The following UNC45A variants were observed in gnomAD, a reference collection of about 807,000 sequenced individuals.
UNC45A encodes unc-45 myosin chaperone A.
A neutral mutation model predicts 103.2 loss-of-function variants in UNC45A; 78 were observed. The ratio of observed to expected loss-of-function variants is 0.76; its 90% CI spans 0.63 to 0.91. The LOEUF is 0.91. UNC45A is among the 40% of genes least tolerant of loss of function. The pLI, the probability that UNC45A is intolerant of heterozygous loss-of-function variation, is 0.00. For synonymous variants in UNC45A, 495 were observed against 504.6 expected (o/e 0.98, Z 0.25); for missense variants, 1,193 against 1,224.8 (o/e 0.97, Z 0.39).
chr15:90,938,664 A>ATTAT (rs1029182156), intron 4 of UNC45A, among the ~76,000 whole-genome samples: 14 of 151,804 alleles, frequency 9.2e-5, no homozygotes, highest in South Asian at 4.2e-4. Flanking sequence ...CCCCATTCAG[A>ATTAT]TTATTTATTT....
chr15:90,933,845 T>C, upstream of UNC45A: 1 of 390,682 alleles, frequency 2.6e-6, no homozygotes, highest in Non-Finnish European at 4.5e-6. Context: ...AGGCCCCACG[T>C]TTTCCAACAG....
At chr15:90,950,670 C>G (rs1391284003) in intron 17 of UNC45A, 55 bp downstream of exon 17, 2 of 1,551,252 alleles carry the variant, frequency 1.3e-6, no homozygotes, top group African/African-American at 2.7e-5. Context: ...TCGGAATATC[C>G]CCCACAGCAG....
In UNC45A at chr15:90,951,547, G is replaced by A. The variant is rs555307099; in HGVS notation, c.2303+932G>A. Among the ~76,000 whole-genome samples the A allele has an allele frequency of 7.0e-4, 107 of 152,282 alleles. 2 individuals are homozygous for A. In the South Asian group the frequency reaches 0.022, roughly 31 times the overall value. On this transcript the variant is annotated intron_variant, in intron 17 of 19. Transcript: ENST00000418476. ...GGAGGATGAGGCAGGAGGATCACTG[G>A]AGCCCAGAAGTTCAGGCCAGCCTGA...
rs564415950 is a variant in UNC45A at position 90,936,918 on chromosome 15, G to A, written c.426+458G>A. On this transcript the variant is annotated intron_variant, in intron 4 of 19. Transcript: ENST00000418476. ...TTGTAGTAAGAAAAACTTGGAACTT[G>A]CCTGAATGCCCAGCCATAGAGGAAT... Among the ~76,000 whole-genome samples, 4 of 152,316 alleles carry A rather than the reference G, an allele frequency of 2.6e-5. No homozygotes were observed. In the South Asian group the frequency reaches 8.3e-4, roughly 32 times the overall value.
intron 1 of UNC45A, 40 bp downstream of exon 1, chr15:90,935,415 G>A (rs767114537): frequency 3.8e-6 from 6 of 1,580,510 alleles, no homozygotes; most frequent in Non-Finnish European, 5.2e-6. Context: ...CTTCGCACCC[G>A]CCCTGACCAT....
chr15:90,947,680 TG>T, intron 10 of UNC45A, 115 bp from the exon 11 acceptor site: 1 of 701,292 alleles, frequency 1.4e-6, no homozygotes, highest in Non-Finnish European at 2.5e-6. Context: ...GATTTGTCTG[TG>T]TAGCTTCCAG....
chr15:90,949,634 C>T lies in UNC45A; in HGVS notation c.2007-20C>T. On this transcript the variant is annotated intron_variant, in intron 14 of 19. Transcript: ENST00000418476. ...CCAGAGTCCCAGAGCTGCCTGCCCA[C>T]CACCGCCTTCTCCCCACAGGGTCTT... 1 of 1,613,834 alleles carries T rather than the reference C, an allele frequency of 6.2e-7. No homozygotes were observed. Among genetic ancestry groups the T allele is most frequent in the Non-Finnish European group, 8.5e-7 (1 of 1,179,886 alleles).
intron 1 of UNC45A, 39 bp from the exon 2 acceptor site, chr15:90,935,504 CG>C: frequency 6.3e-7 from 1 of 1,576,678 alleles, no homozygotes; most frequent in Non-Finnish European, 8.6e-7. Flanking sequence ...GGCTCTGCCC[CG>C]AACCCCCTCC....
chr15:90,949,398 C>G lies in UNC45A; in HGVS notation c.1961C>G (p.Thr654Arg). 6.2e-7 allele frequency: 1 copy of G among 1,613,752 alleles called. No individual in the cohort carries two copies. The highest frequency in any genetic ancestry group is 8.5e-7 in the Non-Finnish European group (1 of 1,180,010). Residue 654 changes from threonine to arginine, a missense_variant, in exon 14 of 20, where the codon ACG (threonine) becomes AGG (arginine). Physicochemically the swap from Thr to Arg is moderately conservative, Grantham distance 71. Coordinates refer to ENST00000418476, the MANE Select transcript of UNC45A (RefSeq NM_018671.5). ...VVSAMVCMVK[T>R]ESPVLTSSCR... ...TCGGCCATGGTGTGCATGGTGAAGACGGAGAGCCCTGTGCTGACCAGTTCC... is the reference window on the plus strand; with the variant it reads ...TCGGCCATGGTGTGCATGGTGAAGAGGGAGAGCCCTGTGCTGACCAGTTCC...
chr15:90,932,447 AG>A, upstream of UNC45A: 1 of 1,359,072 alleles, frequency 7.4e-7, no homozygotes, highest in Non-Finnish European at 9.5e-7. Flanking sequence ...TGGTTGATGT[AG>A]GGGGTCCCCT....
chr15:90,944,738 A>G (rs2036474801), intron 8 of UNC45A, among the ~76,000 whole-genome samples, 154 bp from the exon 9 acceptor site: 1 of 152,276 alleles, frequency 6.6e-6, no homozygotes, highest in Non-Finnish European at 1.5e-5. Context: ...GTAGCAGATC[A>G]GCTAAGCAGA....
chr15:90,936,332 C>T lies in UNC45A; in HGVS notation c.298C>T (p.Gln100Ter). Reference protein sequence around the residue: ...GDVKALYRRSQALEKLGRLDQ... With the variant: ...GDVKALYRRS ...TGTCAAAGCACTCTACCGGCGGAGC[C>T]AAGCCCTAGAGAAGCTGGGCCGCCT... The change falls in exon 4 of 20, where the codon CAA becomes TAA. Residue 100 changes from glutamine to a stop codon, truncating the protein, a stop_gained. Transcript: ENST00000418476. LOFTEE classifies it high-confidence loss of function. 6.2e-7 allele frequency: 1 copy of T among 1,614,176 alleles called. No homozygotes were observed. The highest frequency in any genetic ancestry group is 1.1e-5 in the South Asian group (1 of 91,084).
chr15:90,935,878 C>T (rs1356837368), intron 2 of UNC45A, 68 bp from the exon 3 acceptor site: 1 of 1,609,252 alleles, frequency 6.2e-7, no homozygotes, highest in Non-Finnish European at 8.5e-7. Context: ...CGAGAGTACC[C>T]CTGCTGCCTG....
chr15:90,948,104 C>T (rs765231703), intron 11 of UNC45A, 38 bp from the exon 12 acceptor site: 36 of 1,611,646 alleles, frequency 2.2e-5, no homozygotes, highest in Non-Finnish European at 3.1e-5. Context: ...TCCGTACCCC[C>T]AATCCTGAGG....
rs760940169 is a variant in UNC45A at position 90,950,611 on chromosome 15, C to A, written c.2299C>A (p.Leu767Ile). 4 of 1,614,106 alleles carry A rather than the reference C, an allele frequency of 2.5e-6. No individual in the cohort carries two copies. In the African/African-American group the frequency reaches 4.0e-5, roughly 16 times the overall value. Residue 767 changes from leucine to isoleucine, a missense_variant, in exon 17 of 20, where the codon CTC becomes ATC. Leu to Ile is a conservative substitution (Grantham distance 5). Transcript: ENST00000418476. ...LTNLAGISER[L>I]RQKILKEKAV... ...AAACCTGGCTGGGATCAGCGAGAGGCTCCGGTAAGGTCCCTTGGGATTGCG... is the reference window on the plus strand; with the variant it reads ...AAACCTGGCTGGGATCAGCGAGAGGATCCGGTAAGGTCCCTTGGGATTGCG...
upstream of UNC45A, chr15:90,932,599 C>T (rs2035844684): frequency 1.8e-6 from 2 of 1,089,734 alleles, no homozygotes; most frequent in African/African-American, 1.6e-5. Context: ...TTTACAGCGC[C>T]CCCTGGCGCC....
rs532952585 is a variant in UNC45A, at chr15:90,946,719, G to T, written c.1305G>T (p.Leu435=). The T allele has an allele frequency of 6.2e-7, 1 of 1,613,470 alleles. No homozygotes were observed. The highest frequency in any genetic ancestry group is 1.1e-5 in the South Asian group (1 of 91,058). The change falls in exon 10 of 20, where the codon CTG becomes CTT. Residue 435 remains leucine (L), a synonymous_variant. Coordinates refer to ENST00000418476, the MANE Select transcript of UNC45A (RefSeq NM_018671.5). ...PCDAGNRALE[L]SGVMESVIAL... is the part of the protein sequence containing the mutation. ...ACGCTGGCAACCGGGCCTTGGAGCT[G>T]AGCGGTGTCATGGAGAGTGTGATTG...
At chr15:90,951,198 C>T (rs1034559966) in intron 17 of UNC45A, among the ~76,000 whole-genome samples, 5 of 152,050 alleles carry the variant, frequency 3.3e-5, no homozygotes, top group African/African-American at 4.8e-5. Flanking sequence ...GTAGAGATGG[C>T]GCTTTACCAT....
chr15:90,935,846 G>A, intron 2 of UNC45A, 100 bp from the exon 3 acceptor site: 1 of 1,585,246 alleles, frequency 6.3e-7, no homozygotes. Flanking sequence ...AGGGTGGTGG[G>A]GGATCGGGTG....
Sources: gnomAD v4.1 joint callset for allele counts (sites outside exome capture counted in the v4.1 genomes callset) on GRCh38, gnomAD v4.1.1 for gene constraint, MANE v1.5 for transcripts, NCBI Gene and HGNC (gene_info 2026-07-23, HGNC 2026-07-21) for gene names.